Variants in BMP3 observed in about 807,000 individuals in gnomAD.
The protein encoded by BMP3 is bone morphogenetic protein 3.
BMP3 carries 23 observed loss-of-function variants against 38.1 expected under a neutral mutation model. That is an observed-to-expected ratio of 0.60 (90% CI 0.43 to 0.86). The LOEUF is 0.86. Ranked by LOEUF, BMP3 falls within the 40% of genes least tolerant of loss-of-function variation. BMP3 has a pLI of 0.00. For synonymous variants in BMP3, 258 were observed against 225.7 expected (o/e 1.14, Z -1.28); for missense variants, 628 against 579.6 (o/e 1.08, Z -0.86).
chr4:81,041,066 G>A (rs1158164112), intron 1 of BMP3, among the ~76,000 whole-genome samples: 1 of 152,152 alleles, frequency 6.6e-6, no homozygotes, highest in Non-Finnish European at 1.5e-5. Flanking sequence ...AACTCATGGG[G>A]AAGAGAGAGA....
rs1740501286 is a variant in BMP3 at position 81,054,695 on chromosome 4, T to G, written c.*1159T>G. 6.6e-6 allele frequency: 1 copy of G among 152,244 alleles called. No homozygotes were observed. The highest frequency in any genetic ancestry group is 2.4e-5 in the African/African-American group (1 of 41,464). The allele number at this position is 152,244 out of a possible 1,614,324, so 9.4% of individuals were successfully genotyped here. The stretch of plus-strand genomic sequence containing the variant: ...CTTACAAAACATTATTCGTCAGGTA[T>G]GGGAATCAAATATAGACACTTGTTT... On this transcript the variant is annotated 3_prime_UTR_variant, in exon 3 of 3. Coordinates refer to ENST00000282701, the MANE Select transcript of BMP3 (RefSeq NM_001201.5).
intron 1 of BMP3, among the ~76,000 whole-genome samples, chr4:81,033,001 A>G (rs1215030110): frequency 6.6e-6 from 1 of 152,210 alleles, no homozygotes; most frequent in Non-Finnish European, 1.5e-5. Context: ...ACACCAGTGA[A>G]TACTCTGTTT....
At position 81,055,635 on chromosome 4, in the gene BMP3, G is replaced by GT. The variant is rs1373912049; in HGVS notation, c.*2106dup. On this transcript the variant is annotated 3_prime_UTR_variant, in exon 3 of 3. Coordinates refer to ENST00000282701, the MANE Select transcript of BMP3 (RefSeq NM_001201.5). The stretch of plus-strand genomic sequence containing the variant: ...AGATTTGGTGAAATTCTAAATTTAG[G>GT]TTTTTTTCTAGAGCTGTATCAACCA... 1 of 152,022 alleles carries GT rather than the reference G, an allele frequency of 6.6e-6. No homozygotes were observed. The highest frequency in any genetic ancestry group is 2.4e-5 in the African/African-American group (1 of 41,388). 9.4% of individuals were successfully genotyped at this position (152,022 alleles called of 1,614,324 possible).
At chr4:81,040,061 A>G (rs1441262742) in intron 1 of BMP3, among the ~76,000 whole-genome samples, 2 of 152,182 alleles carry the variant, frequency 1.3e-5, no homozygotes, top group Non-Finnish European at 2.9e-5. Flanking sequence ...ACAAGTGTGT[A>G]AAAGAGAGTA....
intron 2 of BMP3, among the ~76,000 whole-genome samples, chr4:81,048,463 C>G (rs1740319441): frequency 6.6e-6 from 1 of 152,174 alleles, no homozygotes; most frequent in Non-Finnish European, 1.5e-5. Context: ...TGACTACAAT[C>G]TTCAGGACTC....
intron 1 of BMP3, among the ~76,000 whole-genome samples, chr4:81,043,935 A>G (rs974658913): frequency 9.9e-5 from 15 of 152,176 alleles, no homozygotes; most frequent in African/African-American, 3.6e-4. Flanking sequence ...TAATCCCTGT[A>G]AGACTGTTAA....
chr4:81,053,563 T>C lies in BMP3; in HGVS notation c.*27T>C, dbSNP rs990400627. 1 of 1,289,618 alleles carries C rather than the reference T, an allele frequency of 7.8e-7. No homozygotes were observed. Among genetic ancestry groups the C allele is most frequent in the Non-Finnish European group, 1.0e-6 (1 of 976,054 alleles). The allele number at this position is 1,289,618 out of a possible 1,614,324, so 79.9% of individuals were successfully genotyped here. On this transcript the variant is annotated 3_prime_UTR_variant, in exon 3 of 3. Coordinates refer to ENST00000282701, the MANE Select transcript of BMP3 (RefSeq NM_001201.5). ...CTGGCAAAGAACTCATTTGAATGCT[T>C]AATTCAATCATTAGTTTATTTTTAT...
intron 1 of BMP3, among the ~76,000 whole-genome samples, chr4:81,041,892 G>T (rs1278528734): frequency 6.6e-6 from 1 of 151,842 alleles, no homozygotes; most frequent in African/African-American, 2.4e-5. Flanking sequence ...TCCCAATTCT[G>T]CTCCAAGCAT....
intron 1 of BMP3, among the ~76,000 whole-genome samples, chr4:81,044,932 T>C (rs995544850): frequency 2.0e-5 from 3 of 152,230 alleles, no homozygotes; most frequent in African/African-American, 7.2e-5. Context: ...GCTATAACCA[T>C]GTAATTATTT....
Position 81,031,333 on chromosome 4 carries a change from G to A in BMP3, c.49G>A (p.Val17Met), listed in dbSNP as rs1162344259. 1 of 1,611,114 alleles carries A rather than the reference G, an allele frequency of 6.2e-7. No homozygotes were observed. ...LLFLWLGCFC[V>M]SLAQGERPKP... is the part of the protein sequence containing the mutation. ...CTTTCTGTGGCTGGGCTGCTTCTGCGTGAGCCTGGCGCAGGGAGAGAGACC... is the reference window on the plus strand; with the variant it reads ...CTTTCTGTGGCTGGGCTGCTTCTGCATGAGCCTGGCGCAGGGAGAGAGACC... Residue 17 changes from valine to methionine, a missense_variant, in exon 1 of 3, where the codon GTG (valine) becomes ATG (methionine). Coordinates refer to ENST00000282701, the MANE Select transcript of BMP3 (RefSeq NM_001201.5).
intron 1 of BMP3, among the ~76,000 whole-genome samples, chr4:81,041,666 C>T (rs1263754778): frequency 6.6e-6 from 1 of 152,198 alleles, no homozygotes; most frequent in Admixed American, 6.5e-5. Context: ...ACTTCAATAA[C>T]TAAGTTAATT....
chr4:81,054,654 C>T lies in BMP3; in HGVS notation c.*1118C>T, dbSNP rs1740500166. 1 of 152,188 alleles carries T rather than the reference C, an allele frequency of 6.6e-6. No individual in the cohort carries two copies. Among genetic ancestry groups the T allele is most frequent in the Non-Finnish European group, 1.5e-5 (1 of 68,034 alleles). 9.4% of individuals were successfully genotyped at this position (152,188 alleles called of 1,614,324 possible). ...AGGGCTTTTGGCTCAGTCACGAAAT[C>T]TACAAGTTAGCAAAGCTTACAAAAC... On this transcript the variant is annotated 3_prime_UTR_variant, in exon 3 of 3. Coordinates refer to ENST00000282701, the MANE Select transcript of BMP3 (RefSeq NM_001201.5).
rs1235271995 is a variant in BMP3 at position 81,046,420 on chromosome 4, G to C, written c.999G>C (p.Lys333Asn). ...AGGCTCAGGCCCCTGAAAAGAGTAA[G>C]AATAAAAAGAAACAGAGAAAGGGGC... is the stretch of plus-strand genomic sequence containing the variant. ...TLQAQAPEKS[K>N]NKKKQRKGPH... The change falls in exon 2 of 3, where the codon AAG (lysine) becomes AAC (asparagine). Residue 333 changes from lysine to asparagine, a missense_variant. Coordinates refer to ENST00000282701, the MANE Select transcript of BMP3 (RefSeq NM_001201.5). 1 of 1,613,518 alleles carries C rather than the reference G, an allele frequency of 6.2e-7. No homozygotes were observed. Among genetic ancestry groups the C allele is most frequent in the East Asian group, 2.2e-5 (1 of 44,880 alleles).
intron 2 of BMP3, among the ~76,000 whole-genome samples, chr4:81,051,666 T>C (rs1363289114): frequency 6.6e-6 from 1 of 152,156 alleles, no homozygotes; most frequent in African/African-American, 2.4e-5. Context: ...TGTACAATAC[T>C]GATTGTAGTT....
At chr4:81,051,267 T>G (rs1740394419) in intron 2 of BMP3, among the ~76,000 whole-genome samples, 1 of 152,188 alleles carries the variant, frequency 6.6e-6, no homozygotes, top group Non-Finnish European at 1.5e-5. Flanking sequence ...GTATTTGTGT[T>G]GATAGGAACT....
chr4:81,038,791 C>T (rs1173030626), intron 1 of BMP3, among the ~76,000 whole-genome samples: 1 of 152,116 alleles, frequency 6.6e-6, no homozygotes, highest in Non-Finnish European at 1.5e-5. Context: ...TAACAAATAC[C>T]TTTTGGGACT....
chr4:81,048,220 A>G (rs918212268), intron 2 of BMP3, among the ~76,000 whole-genome samples: 1 of 152,216 alleles, frequency 6.6e-6, no homozygotes, highest in African/African-American at 2.4e-5. Flanking sequence ...ATGAGATAAC[A>G]TGAAAAAACA....
chr4:81,041,119 T>G (rs1322202451), intron 1 of BMP3, among the ~76,000 whole-genome samples: 1 of 152,236 alleles, frequency 6.6e-6, no homozygotes, highest in Non-Finnish European at 1.5e-5. Context: ...GTTACTCACC[T>G]TACAAGTTAA....
intron 1 of BMP3, among the ~76,000 whole-genome samples, chr4:81,037,074 G>A (rs1739942736): frequency 6.6e-6 from 1 of 152,032 alleles, no homozygotes; most frequent in Admixed American, 6.5e-5. Context: ...ATGAATATGT[G>A]TGTGTGCAAA....
Sources: allele counts gnomAD v4.1 joint callset (sites outside exome capture counted in the v4.1 genomes callset), GRCh38; gene constraint gnomAD v4.1.1; transcripts MANE v1.5; gene names NCBI Gene and HGNC (gene_info 2026-07-23, HGNC 2026-07-21).